UGP2: variants seen among roughly 807,000 people sequenced by gnomAD.
UGP2 encodes UTP--glucose-1-phosphate uridylyltransferase.
UGP2 carries 40 observed loss-of-function variants against 49.0 expected under a neutral mutation model. The observed-to-expected ratio is 0.82, with a 90% CI of 0.63 to 1.06. The LOEUF is 1.06. Ranked by LOEUF, UGP2 falls within the 50% of genes least tolerant of loss-of-function variation. The pLI, the probability that UGP2 is intolerant of heterozygous loss-of-function variation, is 0.00. For synonymous variants in UGP2, 225 were observed against 213.0 expected, an observed-to-expected ratio of 1.06 and a Z score of -0.49; for missense variants, 460 against 603.5, an observed-to-expected ratio of 0.76 and a Z score of 2.49.
At chr2:63,881,348 T>TACACACACACACACACACACACAC (rs34467113) in intron 3 of UGP2, among the ~76,000 whole-genome samples, 1 of 145,820 alleles carries the variant, frequency 6.9e-6, no homozygotes, top group African/African-American at 2.5e-5. Flanking sequence ...ACCTACCCAT[T>TACACACACACACACACACACACAC]ACACACACAC....
At chr2:63,851,860 A>G (rs1375983040) in intron 1 of UGP2, among the ~76,000 whole-genome samples, 1 of 152,182 alleles carries the variant, frequency 6.6e-6, no homozygotes, top group Non-Finnish European at 1.5e-5. Flanking sequence ...TATCTTTGAC[A>G]TATCTGCCTC....
intron 8 of UGP2, chr2:63,888,340 GTAACACAT>G (rs980292265): frequency 5.9e-5 from 9 of 152,200 alleles, no homozygotes; most frequent in Admixed American, 5.9e-4. Flanking sequence ...AGAACAATGT[GTAACACAT>G]TTTGCCATAG....
chr2:63,872,876 C>T (rs150330826), intron 3 of UGP2, among the ~76,000 whole-genome samples: 14 of 151,762 alleles, frequency 9.2e-5, no homozygotes, highest in South Asian at 4.2e-4. Context: ...ACATGCTGGA[C>T]GAGGTGTTGG....
At chr2:63,886,232 T>C (rs1483457632) in intron 6 of UGP2, 109 bp from the exon 7 acceptor site, 3 of 1,107,166 alleles carry the variant, frequency 2.7e-6, no homozygotes, top group Non-Finnish European at 4.0e-6. Flanking sequence ...ATTTACTCTG[T>C]TTCTACATAA....
chr2:63,853,023 A>G (rs1368631983), intron 1 of UGP2, among the ~76,000 whole-genome samples: 1 of 152,114 alleles, frequency 6.6e-6, no homozygotes, highest in Non-Finnish European at 1.5e-5. Flanking sequence ...TTAGGATGAG[A>G]GGCACATGTT....
At position 63,842,220 on chromosome 2, in the gene UGP2, G is replaced by A; in HGVS notation, c.19+16G>A. On this transcript the variant is annotated intron_variant, in intron 1 of 9. Transcript: ENST00000337130. Reference sequence around the variant, plus strand: ...TTTGTACAAGGTAAGAAATGCTGCTGCTTATATCCCGAGTTGCTTCAGGCA... The same window carrying A: ...TTTGTACAAGGTAAGAAATGCTGCTACTTATATCCCGAGTTGCTTCAGGCA... The A allele has an allele frequency of 6.2e-7, 1 of 1,609,624 alleles. No homozygotes were observed. The highest frequency in any genetic ancestry group is 8.5e-7 in the Non-Finnish European group (1 of 1,178,808).
At chr2:63,863,844 G>A (rs1461659089) in intron 3 of UGP2, among the ~76,000 whole-genome samples, 1 of 152,144 alleles carries the variant, frequency 6.6e-6, no homozygotes, top group Admixed American at 6.5e-5. Context: ...GATGTGCCAG[G>A]AGAATACCTG....
intron 1 of UGP2, chr2:63,856,091 A>G (rs150144545): frequency 4.1e-4 from 190 of 459,400 alleles, no homozygotes; most frequent in African/African-American, 3.1e-3. Context: ...GGAATTGCCA[A>G]TACCTCTCAA....
chr2:63,871,390 A>G (rs555947980), intron 3 of UGP2, among the ~76,000 whole-genome samples: 4 of 152,086 alleles, frequency 2.6e-5, no homozygotes, highest in Non-Finnish European at 4.4e-5. Context: ...GGTTCAAGCA[A>G]TTTTCCTGCC....
At chr2:63,875,478 T>C (rs1000325740) in intron 3 of UGP2, among the ~76,000 whole-genome samples, 1 of 152,238 alleles carries the variant, frequency 6.6e-6, no homozygotes, top group African/African-American at 2.4e-5. Context: ...TTGGCTTTTC[T>C]TCTAACTGGA....
chr2:63,847,517 A>T (rs192310958), intron 1 of UGP2, among the ~76,000 whole-genome samples: 1 of 152,336 alleles, frequency 6.6e-6, no homozygotes. Context: ...TGTGAGCAAC[A>T]TGGCTATTTC....
At chr2:63,843,076 C>A (rs1671685241) in intron 1 of UGP2, among the ~76,000 whole-genome samples, 5 of 152,156 alleles carry the variant, frequency 3.3e-5, no homozygotes, top group Admixed American at 3.3e-4. Context: ...TTCACAAACA[C>A]TTATTATGCT....
chr2:63,856,458 AC>A (rs745647234), intron 2 of UGP2, 25 bp downstream of exon 2: 37 of 1,492,420 alleles, frequency 2.5e-5, no homozygotes, highest in South Asian at 5.8e-5. Flanking sequence ...ACAGTGTTCC[AC>A]CCCCCCGCCC....
At chr2:63,855,518 C>CTTTTTTTT in intron 1 of UGP2, 2 of 175,118 alleles carry the variant, frequency 1.1e-5, no homozygotes, top group Admixed American at 1.1e-4. Flanking sequence ...GTTTCTTTTT[C>CTTTTTTTT]TGTTTTTTTT....
chr2:63,890,002 A>T, intron 8 of UGP2, 79 bp from the exon 9 acceptor site: 1 of 1,146,646 alleles, frequency 8.7e-7, no homozygotes, highest in Non-Finnish European at 1.3e-6. Context: ...CAGTTCAGTT[A>T]AACTTTCTTG....
At chr2:63,887,704 G>GTGAGTTC in intron 8 of UGP2, 60 bp downstream of exon 8, 1 of 1,584,350 alleles carries the variant, frequency 6.3e-7, no homozygotes, top group Non-Finnish European at 8.6e-7. Flanking sequence ...ATAAAGATAT[G>GTGAGTTC]ATATACATGT....
chr2:63,886,750 G>T (rs1361717054), intron 7 of UGP2, among the ~76,000 whole-genome samples: 2 of 152,166 alleles, frequency 1.3e-5, no homozygotes, highest in Non-Finnish European at 2.9e-5. Flanking sequence ...ACCCTGGGTT[G>T]TGGTAGTGGC....
rs1671602994 is a variant in UGP2, at chr2:63,842,220, G to C, written c.19+16G>C. On this transcript the variant is annotated intron_variant, in intron 1 of 9. Transcript: ENST00000337130. ...TTTGTACAAGGTAAGAAATGCTGCT[G>C]CTTATATCCCGAGTTGCTTCAGGCA... The C allele has an allele frequency of 6.2e-7, 1 of 1,609,506 alleles. No homozygotes were observed. The highest frequency in any genetic ancestry group is 1.3e-5 in the African/African-American group (1 of 74,490).
chr2:63,846,906 A>G (rs1350672535), intron 1 of UGP2, among the ~76,000 whole-genome samples: 1 of 152,234 alleles, frequency 6.6e-6, no homozygotes, highest in South Asian at 2.1e-4. Context: ...TTATTATATT[A>G]TTTGAAGAGA....
Sources: gnomAD v4.1 joint callset for allele counts (sites outside exome capture counted in the v4.1 genomes callset) on GRCh38, gnomAD v4.1.1 for gene constraint, MANE v1.5 for transcripts, NCBI Gene and HGNC (gene_info 2026-07-23, HGNC 2026-07-21) for gene names.